C1orf198: variants seen among roughly 807,000 people sequenced by gnomAD.
The protein encoded by C1orf198 is chromosome 1 open reading frame 198.
In C1orf198, 17 loss-of-function variants were observed where a neutral mutation model predicts 31.4. The observed-to-expected ratio is 0.54, with a 90% confidence interval of 0.37 to 0.81. The LOEUF is 0.81. Among genes scored for constraint, C1orf198 ranks in the 40% least tolerant of loss-of-function variants. C1orf198 has a pLI of 0.00. For synonymous variants in C1orf198, 175 were observed against 193.8 expected (o/e 0.90, Z 0.81); for missense variants, 401 against 450.3 (o/e 0.89, Z 0.99).
upstream of C1orf198, chr1:230,868,687 G>A: frequency 3.2e-6 from 1 of 310,764 alleles, no homozygotes; most frequent in Non-Finnish European, 4.9e-6. Flanking sequence ...GCCCTCCGTG[G>A]CCCCCTCCCC....
chr1:230,849,021 C>T (rs1669664494), intron 2 of C1orf198, among the ~76,000 whole-genome samples: 1 of 152,182 alleles, frequency 6.6e-6, no homozygotes, highest in African/African-American at 2.4e-5. Flanking sequence ...AAAAGTGGCT[C>T]CAAGCTCATT....
Position 230,843,668 on chromosome 1 carries a change from CCTCAGGCCCCTCCCCTCGGGACCG to C in C1orf198, c.589_612del (p.Arg197_Glu204del). The C allele has an allele frequency of 2.5e-5, 41 of 1,614,238 alleles. No individual in the cohort carries two copies. Among genetic ancestry groups the C allele is most frequent in the Non-Finnish European group, 3.3e-5 (39 of 1,180,040 alleles). Reference sequence around the variant, plus strand: ...CTAGGGGTCAGCGACTGGAACTCGGCCTCAGGCCCCTCCCCTCGGGACCGCTCAGCATTGATCTTCCAGAATGAC... The same window carrying C: ...CTAGGGGTCAGCGACTGGAACTCGGCCTCAGCATTGATCTTCCAGAATGAC... On this transcript the variant is annotated inframe_deletion, in exon 3 of 4. Coordinates refer to ENST00000366663, the MANE Select transcript of C1orf198 (RefSeq NM_032800.3). This position sits in a 1 kb window ranked among gnomAD's most constrained non-coding sequence, Gnocchi z 4.9.
intron 3 of C1orf198, 45 bp from the exon 4 acceptor site, chr1:230,839,953 T>C: frequency 6.5e-7 from 1 of 1,534,458 alleles, no homozygotes; most frequent in Non-Finnish European, 8.9e-7. Flanking sequence ...GCCTCTTTTT[T>C]TCAGTTACGT....
At chr1:230,858,580 T>C (rs1669932217) in intron 1 of C1orf198, among the ~76,000 whole-genome samples, 1 of 151,968 alleles carries the variant, frequency 6.6e-6, no homozygotes, top group Non-Finnish European at 1.5e-5. Flanking sequence ...TAAATGGAAA[T>C]CAACTGGCAA....
intron 2 of C1orf198, among the ~76,000 whole-genome samples, chr1:230,850,444 G>A (rs1412281393): frequency 6.6e-6 from 1 of 152,258 alleles, no homozygotes; most frequent in Non-Finnish European, 1.5e-5. Context: ...TGGAGGGCAA[G>A]TGGGGCCTTC....
At chr1:230,855,798 G>C in intron 1 of C1orf198, 80 bp from the exon 2 acceptor site, 3 of 1,550,034 alleles carry the variant, frequency 1.9e-6, no homozygotes, top group South Asian at 2.5e-5. Flanking sequence ...GACCGTGGGG[G>C]AACCAAAACT....
intron 2 of C1orf198, among the ~76,000 whole-genome samples, chr1:230,851,213 C>A (rs1669734327): frequency 6.6e-6 from 1 of 152,164 alleles, no homozygotes; most frequent in Non-Finnish European, 1.5e-5. Context: ...ATCCCCAGCC[C>A]AACCTACTTA....
Position 230,837,235 on chromosome 1 carries a change from A to C in C1orf198, c.*2617T>G, listed in dbSNP as rs527711960. The C allele has an allele frequency of 6.5e-6, 1 of 152,762 alleles. No individual in the cohort carries two copies. The highest frequency in any genetic ancestry group is 2.4e-5 in the African/African-American group (1 of 41,574). 9.5% of individuals were successfully genotyped at this position (152,762 alleles called of 1,614,324 possible). On this transcript the variant is annotated 3_prime_UTR_variant, in exon 4 of 4. Transcript: ENST00000366663. Reference sequence around the variant, plus strand: ...GTTAATTAAAGAAAGGGAGACGCAAAGAAAGGGAGGCTCTTCCTGAAATCC... The same window carrying C: ...GTTAATTAAAGAAAGGGAGACGCAACGAAAGGGAGGCTCTTCCTGAAATCC...
intron 2 of C1orf198, 47 bp downstream of exon 2, chr1:230,855,621 C>G (rs1408675541): frequency 6.3e-7 from 1 of 1,585,632 alleles, no homozygotes; most frequent in Non-Finnish European, 8.6e-7. Flanking sequence ...TACAACTACT[C>G]AGTTCTTTTT....
chr1:230,868,535 G>T, upstream of C1orf198: 3 of 1,268,518 alleles, frequency 2.4e-6, no homozygotes, highest in Non-Finnish European at 3.0e-6. Context: ...CGCCGCTCCC[G>T]GCCCGCGCCC....
At chr1:230,847,180 G>A (rs1197130857) in intron 2 of C1orf198, among the ~76,000 whole-genome samples, 3 of 149,260 alleles carry the variant, frequency 2.0e-5, no homozygotes, top group Non-Finnish European at 4.4e-5. Context: ...TCAGGAGGCT[G>A]AGGCAGGAGA....
At chr1:230,859,967 C>T (rs1404966635) in intron 1 of C1orf198, among the ~76,000 whole-genome samples, 1 of 152,122 alleles carries the variant, frequency 6.6e-6, no homozygotes, top group Non-Finnish European at 1.5e-5. Context: ...GGTTCCTAGA[C>T]ACTTTTATTT....
chr1:230,844,277 C>T (rs1322606776), intron 2 of C1orf198, among the ~76,000 whole-genome samples: 1 of 151,912 alleles, frequency 6.6e-6, no homozygotes, highest in Non-Finnish European at 1.5e-5. Context: ...GATAGTGAGT[C>T]CTCATGAGAT....
chr1:230,868,626 C>T (rs1411435126), upstream of C1orf198: 64 of 873,888 alleles, frequency 7.3e-5, no homozygotes, highest in Non-Finnish European at 8.7e-5. Context: ...CCTGCACCGC[C>T]GCGTACCCGG....
intron 2 of C1orf198, among the ~76,000 whole-genome samples, chr1:230,847,135 C>G (rs1311351273): frequency 7.1e-6 from 1 of 140,756 alleles, no homozygotes; most frequent in Non-Finnish European, 1.5e-5. Flanking sequence ...AAAAATCAGC[C>G]GGGCATGGCG....
intron 1 of C1orf198, among the ~76,000 whole-genome samples, chr1:230,858,972 C>T (rs1352349989): frequency 1.3e-5 from 2 of 152,046 alleles, no homozygotes; most frequent in Admixed American, 6.5e-5. Context: ...TACTTAGTGT[C>T]GAGTCAATAG....
rs75666884 is a variant in C1orf198 at position 230,864,401 on chromosome 1, G to C, written c.333+3779C>G. 7.5e-3 allele frequency among the ~76,000 whole-genome samples: 1,144 copies of C among 152,232 alleles called. 17 individuals are homozygous for C. Among genetic ancestry groups the C allele is most frequent in the East Asian group, 0.071 (368 of 5,168 alleles). On this transcript the variant is annotated intron_variant, in intron 1 of 3. Transcript: ENST00000366663. ...CTAAGAAGCCACAGGCAATGCAGCA[G>C]ACATAGGGAGGCAAAAACAGCTTCA...
In C1orf198 at chr1:230,840,449, C is replaced by T. The variant is rs1669410648; in HGVS notation, c.928-541G>A. On this transcript the variant is annotated intron_variant, in intron 3 of 3. Transcript: ENST00000366663. The surrounding 1 kb of genome is among the most constrained non-coding windows in gnomAD (Gnocchi z 4.0). ...CAGCCTCCGGGGCTCAAGCGATCCT[C>T]TTGCCTCGGCCTCCCACGTAGCTGG... Among the ~76,000 whole-genome samples, 1 of 152,210 alleles carries T rather than the reference C, an allele frequency of 6.6e-6. No individual in the cohort carries two copies. Among genetic ancestry groups the T allele is most frequent in the Non-Finnish European group, 1.5e-5 (1 of 68,038 alleles).
chr1:230,854,452 T>A (rs73108576), intron 2 of C1orf198, among the ~76,000 whole-genome samples: 3,195 of 152,256 alleles, frequency 0.021, 110 homozygotes, highest in African/African-American at 0.071. Context: ...GCTATTCCAA[T>A]TGCAGGCGGC....
Sources: allele counts gnomAD v4.1 joint callset (sites outside exome capture counted in the v4.1 genomes callset), GRCh38; gene constraint gnomAD v4.1.1; non-coding constraint Gnocchi (gnomAD v3.1); transcripts MANE v1.5; gene names NCBI Gene and HGNC (gene_info 2026-07-23, HGNC 2026-07-21).